Variants in SULF2 observed in about 807,000 individuals in gnomAD.
SULF2 encodes sulfatase 2.
SULF2 carries 52 observed loss-of-function variants against 107.7 expected under a neutral mutation model. The ratio of observed to expected loss-of-function variants is 0.48; its 90% CI spans 0.39 to 0.61. The LOEUF (loss-of-function observed/expected upper bound fraction) is 0.61, where lower values mean the gene tolerates loss of function less well. Ranked by LOEUF, SULF2 falls within the 20% of genes least tolerant of loss-of-function variation. SULF2 has a pLI of 0.00. For missense variants in SULF2, 993 were observed against 1,177.3 expected (o/e 0.84, Z 2.29); for synonymous variants, 460 against 464.3 (o/e 0.99, Z 0.12).
At chr20:47,735,557 T>C (rs1302073106) in intron 3 of SULF2, among the ~76,000 whole-genome samples, 2 of 152,144 alleles carry the variant, frequency 1.3e-5, no homozygotes, top group African/African-American at 2.4e-5. Context: ...TCTAGGGTGG[T>C]GGCCATGGTA....
chr20:47,683,243 C>T (rs958177571), intron 6 of SULF2, 74 bp from the exon 7 acceptor site: 9 of 1,442,870 alleles, frequency 6.2e-6, no homozygotes, highest in East Asian at 2.3e-5. Context: ...GGGTGACAGG[C>T]GCTTGAGATC....
chr20:47,672,355 C>T lies in SULF2; in HGVS notation c.1419G>A (p.Lys473=). The T allele has an allele frequency of 6.2e-7, 1 of 1,612,830 alleles. No individual in the cohort carries two copies. The highest frequency in any genetic ancestry group is 2.2e-5 in the East Asian group (1 of 44,874). Residue 473 remains lysine, a synonymous_variant, in exon 11 of 21, where the codon AAG becomes AAA. Coordinates refer to ENST00000688720, the MANE Select transcript of SULF2 (RefSeq NM_001387048.1). ...QCVEDATGKL[K]LHKCKGPMRL... The stretch of plus-strand genomic sequence containing the variant: ...GCATGGGGCCCTTGCACTTATGCAG[C>T]TTCAGCTTCCCCGTGGCGTCCTCCA...
chr20:47,663,149 T>C lies in SULF2; in HGVS notation c.2291A>G (p.Asn764Ser), dbSNP rs145371797. The stretch of plus-strand genomic sequence containing the variant: ...ACAGAAGAGGAAATTGTGAGTCTCA[T>C]TGATGGTCCTCATGCACCAGTACGT... ...NNTYWCMRTI[N>S]ETHNFLFCEF... Residue 764 changes from asparagine (N) to serine (S), a missense_variant, in exon 17 of 21, where the codon AAT becomes AGT. Asn to Ser is a conservative substitution (Grantham distance 46). Transcript: ENST00000688720. 2.7e-5 allele frequency: 44 copies of C among 1,614,066 alleles called. No individual in the cohort carries two copies. Among genetic ancestry groups the C allele is most frequent in the Middle Eastern group, 1.6e-4 (1 of 6,084 alleles).
chr20:47,676,977 T>C lies in SULF2; in HGVS notation c.1250+101A>G, dbSNP rs925287479. The C allele has an allele frequency of 7.6e-6, 10 of 1,311,826 alleles. No individual in the cohort carries two copies. In the African/African-American group the frequency reaches 8.9e-5, roughly 12 times the overall value. 81.3% of individuals were successfully genotyped at this position (1,311,826 alleles called of 1,614,324 possible). A position where few individuals can be genotyped will look rare whatever the true frequency, so the allele number is the denominator to read the frequency against. On this transcript the variant is annotated intron_variant, in intron 9 of 20. Coordinates refer to ENST00000688720, the MANE Select transcript of SULF2 (RefSeq NM_001387048.1). ...GGCCTTTGGACCAACTTCAGAGCCA[T>C]GGGCAGCTCCTGAATAGCATGATGC... is the stretch of plus-strand genomic sequence containing the variant.
intron 3 of SULF2, among the ~76,000 whole-genome samples, chr20:47,723,738 G>A (rs2146711005): frequency 6.6e-6 from 1 of 152,244 alleles, no homozygotes; most frequent in South Asian, 2.1e-4. Flanking sequence ...ATTGCCCCCG[G>A]GTGAGACCAT....
At chr20:47,701,581 A>G (rs899426448) in intron 4 of SULF2, among the ~76,000 whole-genome samples, 7 of 152,248 alleles carry the variant, frequency 4.6e-5, no homozygotes, top group African/African-American at 1.7e-4. Flanking sequence ...AGGAACGGGT[A>G]TAACAGAAAT....
rs1390318023 is a variant in SULF2 at position 47,757,214 on chromosome 20, C to T, written c.150G>A (p.Leu50=). 6.4e-6 allele frequency: 10 copies of T among 1,561,050 alleles called. No individual in the cohort carries two copies. The highest frequency in any genetic ancestry group is 8.7e-6 in the Non-Finnish European group (10 of 1,151,640). ...CCAGCTCCACATCCTGGTCGTCCGTCAGCACCAGGATGATGTTGGGGCGGA... is the reference window on the plus strand; with the variant it reads ...CCAGCTCCACATCCTGGTCGTCCGTTAGCACCAGGATGATGTTGGGGCGGA... ...RNIRPNIILV[L]TDDQDVELGS... Residue 50 remains leucine (L), a synonymous_variant, in exon 2 of 21, where the codon CTG becomes CTA. Transcript: ENST00000688720.
rs2087148835 is a variant in SULF2 at position 47,663,323 on chromosome 20, G to A, written c.2228-111C>T. 1.9e-6 allele frequency: 3 copies of A among 1,579,206 alleles called. No homozygotes were observed. The South Asian group carries it at 3.4e-5, about 18-fold the overall frequency. ...AAAACCAGTTCGTCAAATGCCAAGA[G>A]GCTGTCCCGAGCACCGTGGACCCCT... On this transcript the variant is annotated intron_variant, in intron 16 of 20. Coordinates refer to ENST00000688720, the MANE Select transcript of SULF2 (RefSeq NM_001387048.1).
At chr20:47,785,027 A>C (rs1261669736) in intron 1 of SULF2, among the ~76,000 whole-genome samples, 3 of 150,834 alleles carry the variant, frequency 2.0e-5, no homozygotes, top group Non-Finnish European at 4.4e-5. Context: ...GCGCTCCCCT[A>C]CCCGGGGCCG....
At chr20:47,659,499 G>A (rs2086997385) in intron 19 of SULF2, 47 bp from the exon 20 acceptor site, 2 of 1,591,054 alleles carry the variant, frequency 1.3e-6, no homozygotes, top group South Asian at 2.2e-5. Context: ...CCATCACCAA[G>A]AAAGAAAAAG....
At chr20:47,780,311 C>T (rs2090806243) in intron 1 of SULF2, among the ~76,000 whole-genome samples, 1 of 152,186 alleles carries the variant, frequency 6.6e-6, no homozygotes, top group Non-Finnish European at 1.5e-5. Flanking sequence ...GCCACCACGC[C>T]TGGCCTACCC....
At chr20:47,761,237 A>G (rs1046122304) in intron 1 of SULF2, among the ~76,000 whole-genome samples, 5 of 152,212 alleles carry the variant, frequency 3.3e-5, no homozygotes, top group Admixed American at 2.0e-4. Flanking sequence ...CTGAGGTTTC[A>G]TTACTGTCCT....
At chr20:47,765,765 C>G (rs2090517362) in intron 1 of SULF2, among the ~76,000 whole-genome samples, 1 of 152,202 alleles carries the variant, frequency 6.6e-6, no homozygotes, top group African/African-American at 2.4e-5. Context: ...ACAAAACAAG[C>G]AAGCCAGCAT....
At chr20:47,730,781 C>T (rs1308159911) in intron 3 of SULF2, among the ~76,000 whole-genome samples, 1 of 151,998 alleles carries the variant, frequency 6.6e-6, no homozygotes, top group East Asian at 1.9e-4. Flanking sequence ...TTTTTGTTTG[C>T]CAAAGGCAGT....
chr20:47,752,588 A>C (rs1319095003), intron 2 of SULF2, among the ~76,000 whole-genome samples: 20 of 151,184 alleles, frequency 1.3e-4, no homozygotes, highest in African/African-American at 1.9e-4. Context: ...AAAAAACCCC[A>C]AAAACTCCCA....
In SULF2 at chr20:47,664,202, C is replaced by T. The variant is rs1398965347; in HGVS notation, c.1998-13G>A. On this transcript the variant is annotated splice_polypyrimidine_tract_variant and intron_variant, in intron 14 of 20. Transcript: ENST00000688720. ...CTGGGTGTGGTAGCTGTAACAGACC[C>T]CCCCAGCCCCAGGCTTCAGGAGTGG... 1.2e-6 allele frequency: 2 copies of T among 1,609,250 alleles called. No individual in the cohort carries two copies. Among genetic ancestry groups the T allele is most frequent in the South Asian group, 1.1e-5 (1 of 90,062 alleles).
intron 11 of SULF2, 137 bp downstream of exon 11, chr20:47,672,061 A>G (rs1105424): frequency 0.86 from 732,263 of 852,338 alleles, 315,301 homozygotes; most frequent in South Asian, 0.93. Context: ...TCGTGAGGAG[A>G]TGTGGCTGTG....
intron 16 of SULF2, 50 bp from the exon 17 acceptor site, chr20:47,663,262 A>C (rs769580432): frequency 1.3e-5 from 21 of 1,609,622 alleles, no homozygotes; most frequent in Non-Finnish European, 1.6e-5. Context: ...AGGAGGCCCC[A>C]TCTGCCAACA....
chr20:47,781,183 C>T (rs2090827169), intron 1 of SULF2, among the ~76,000 whole-genome samples: 1 of 152,240 alleles, frequency 6.6e-6, no homozygotes, highest in South Asian at 2.1e-4. Context: ...GCCTCCTGGC[C>T]CTGGTGGAAG....
Sources: allele counts gnomAD v4.1 joint callset (sites outside exome capture counted in the v4.1 genomes callset), GRCh38; gene constraint gnomAD v4.1.1; transcripts MANE v1.5; gene names NCBI Gene and HGNC (gene_info 2026-07-23, HGNC 2026-07-21).